SGCD: variants seen among roughly 807,000 people sequenced by gnomAD.
SGCD encodes sarcoglycan delta, also known as delta-sarcoglycan.
A neutral mutation model predicts 36.6 loss-of-function variants in SGCD; 18 were observed. That is an observed-to-expected ratio of 0.49 (90% CI 0.34 to 0.73). SGCD has a LOEUF of 0.73. Ranked by LOEUF, SGCD falls within the 30% of genes least tolerant of loss-of-function variation. SGCD has a pLI of 0.01. For missense variants in SGCD, 387 were observed against 346.7 expected (o/e 1.12, Z -0.92); for synonymous variants, 133 against 130.6 (o/e 1.02, Z -0.12).
At chr5:156,431,389 G>T (rs564784404) in intron 3 of SGCD, among the ~76,000 whole-genome samples, 45 of 152,266 alleles carry the variant, frequency 3.0e-4, no homozygotes, top group Middle Eastern at 3.4e-3. Flanking sequence ...GTCTGTAGGT[G>T]CATCCATGCT....
chr5:156,660,405 GC>G (rs1444929800), intron 7 of SGCD, among the ~76,000 whole-genome samples: 10 of 152,300 alleles, frequency 6.6e-5, no homozygotes, highest in African/African-American at 2.2e-4. Context: ...CTCCGTGGAG[GC>G]CCTTTTCTTT....
At chr5:155,972,215 A>G (rs533595922) in intron 1 of SGCD, among the ~76,000 whole-genome samples, 1 of 152,206 alleles carries the variant, frequency 6.6e-6, no homozygotes, top group Non-Finnish European at 1.5e-5. Context: ...GTCAAACAGT[A>G]CAGAGAAATG....
intron 3 of SGCD, among the ~76,000 whole-genome samples, chr5:156,184,158 A>G (rs570548765): frequency 2.7e-4 from 41 of 152,344 alleles, no homozygotes; most frequent in Middle Eastern, 6.8e-3. Context: ...CAAATAATTC[A>G]TTGAATACTA....
chr5:156,009,062 G>C (rs1220995509), intron 1 of SGCD, among the ~76,000 whole-genome samples: 1 of 152,146 alleles, frequency 6.6e-6, no homozygotes, highest in Non-Finnish European at 1.5e-5. Context: ...TCTTTGGCCA[G>C]AGTGACTGGA....
intron 1 of SGCD, among the ~76,000 whole-genome samples, chr5:156,070,661 G>T (rs1421658631): frequency 1.7e-4 from 26 of 152,198 alleles, no homozygotes; most frequent in Non-Finnish European, 1.0e-4. Flanking sequence ...GAGTTAGGGA[G>T]GATTCCCCCT....
intron 1 of SGCD, among the ~76,000 whole-genome samples, chr5:156,067,917 G>A (rs1760380334): frequency 7.8e-6 from 1 of 128,686 alleles, no homozygotes; most frequent in Non-Finnish European, 1.5e-5. Flanking sequence ...GCTCACGCTG[G>A]GAGCTGTAGA....
Position 156,327,166 on chromosome 5 carries a change from A to G in SGCD, c.-110A>G, listed in dbSNP as rs1274127164. On this transcript the variant is annotated 5_prime_UTR_variant, in exon 1 of 9. Coordinates refer to ENST00000337851, the MANE Select transcript of SGCD (RefSeq NM_000337.6). ...CGGGCCGAGTGGCCACCTCCTTCAG[A>G]GCTGCTCAGCACGCCCTGGGATCGC... 2 of 152,398 alleles carry G rather than the reference A, an allele frequency of 1.3e-5. No homozygotes were observed. The highest frequency in any genetic ancestry group is 2.9e-5 in the Non-Finnish European group (2 of 68,168). 9.4% of individuals were successfully genotyped at this position (152,398 alleles called of 1,614,324 possible).
intron 4 of SGCD, among the ~76,000 whole-genome samples, chr5:156,529,661 G>T (rs924770772): frequency 6.6e-6 from 1 of 152,050 alleles, no homozygotes; most frequent in Non-Finnish European, 1.5e-5. Context: ...TAAAAAACTT[G>T]TTCCTTGTCA....
At chr5:156,459,013 A>T (rs1056749673) in intron 3 of SGCD, among the ~76,000 whole-genome samples, 3 of 152,178 alleles carry the variant, frequency 2.0e-5, no homozygotes, top group Non-Finnish European at 4.4e-5. Context: ...TATTGTAATT[A>T]TCTTATTTTT....
chr5:156,500,556 A>T (rs1160461220), intron 3 of SGCD, among the ~76,000 whole-genome samples: 1 of 152,240 alleles, frequency 6.6e-6, no homozygotes, highest in Admixed American at 6.5e-5. Context: ...GCAGGGGGAA[A>T]ATCAAAGGAG....
intron 4 of SGCD, among the ~76,000 whole-genome samples, chr5:156,525,396 C>T (rs569286516): frequency 7.9e-5 from 12 of 152,028 alleles, no homozygotes; most frequent in Admixed American, 5.9e-4. Flanking sequence ...TATTCAGGTT[C>T]TTTGCCAAGT....
Position 156,061,022 on chromosome 5 carries a change from T to C in SGCD, c.-281-56856T>C, listed in dbSNP as rs749607780. Among the ~76,000 whole-genome samples, 16 of 145,290 alleles carry C rather than the reference T, an allele frequency of 1.1e-4. 3 individuals carry two copies. The highest frequency in any genetic ancestry group is 1.9e-4 in the Non-Finnish European group (12 of 64,570). On this transcript the variant is annotated intron_variant, in intron 1 of 9. Transcript: ENST00000517913. ...GTCTGGACTCTCACAAAAATTGATT[T>C]AAAAATCTATTCATTCCTGAAAATG...
intron 1 of SGCD, among the ~76,000 whole-genome samples, chr5:155,996,515 C>T (rs1419009783): frequency 3.9e-5 from 6 of 152,254 alleles, no homozygotes; most frequent in South Asian, 2.1e-4. Flanking sequence ...CGGTGGCTCA[C>T]GCCTGTGATC....
chr5:156,194,504 A>G (rs1452093072), intron 3 of SGCD, among the ~76,000 whole-genome samples: 1 of 152,212 alleles, frequency 6.6e-6, no homozygotes, highest in African/African-American at 2.4e-5. Flanking sequence ...AATGATATAC[A>G]TTAGGTGGAG....
At chr5:156,173,324 A>G (rs1763386495) in intron 3 of SGCD, among the ~76,000 whole-genome samples, 1 of 152,200 alleles carries the variant, frequency 6.6e-6, no homozygotes, top group African/African-American at 2.4e-5. Flanking sequence ...TTATTTTTAA[A>G]TGGTTTTTAC....
chr5:156,387,414 A>G (rs771952780), intron 3 of SGCD, among the ~76,000 whole-genome samples: 4 of 152,220 alleles, frequency 2.6e-5, no homozygotes, highest in Non-Finnish European at 4.4e-5. Flanking sequence ...GGGGTGCCTC[A>G]GGGAATGCTA....
intron 8 of SGCD, 119 bp downstream of exon 8, chr5:156,757,823 G>T (rs1039421112): frequency 2.2e-6 from 3 of 1,361,188 alleles, no homozygotes; most frequent in African/African-American, 2.9e-5. Context: ...AGCCAAGCAG[G>T]TTTTATTTCT....
intron 1 of SGCD, among the ~76,000 whole-genome samples, chr5:156,063,420 C>A (rs1189047410): frequency 2.0e-5 from 2 of 100,452 alleles, no homozygotes; most frequent in Admixed American, 9.5e-5. Flanking sequence ...AATGCGGGCT[C>A]TTTTTTGGTT....
intron 7 of SGCD, among the ~76,000 whole-genome samples, chr5:156,725,094 C>A (rs1755705869): frequency 6.6e-6 from 1 of 152,154 alleles, no homozygotes; most frequent in Non-Finnish European, 1.5e-5. Flanking sequence ...GAGGGTCAGA[C>A]TTGGGGAGGA....
Sources: gnomAD v4.1 joint callset for allele counts (sites outside exome capture counted in the v4.1 genomes callset) on GRCh38, gnomAD v4.1.1 for gene constraint, MANE v1.5 for transcripts, NCBI Gene and HGNC (gene_info 2026-07-23, HGNC 2026-07-21) for gene names.